NHSL3: variants seen among roughly 807,000 people sequenced by gnomAD.
NHSL3 encodes the protein NHS-like protein 3.
the NHSL3 span, among the ~76,000 whole-genome samples, chr1:32,760,588 GTTTTTTTT>G: frequency 7.2e-6 from 1 of 138,718 alleles, no homozygotes; most frequent in Non-Finnish European, 1.6e-5. Context: ...GTGTGTGTGT[GTTTTTTTT>G]TTTTTTTTGT....
the NHSL3 span, chr1:32,771,401 C>T: frequency 6.3e-7 from 1 of 1,584,806 alleles, no homozygotes; most frequent in Non-Finnish European, 8.6e-7. Flanking sequence ...CATCCACCCC[C>T]ACCACCCACT....
the NHSL3 span, chr1:32,770,012 T>A: frequency 6.2e-7 from 1 of 1,600,566 alleles, no homozygotes; most frequent in Non-Finnish European, 8.5e-7. The surrounding 1 kb of genome is among the most constrained non-coding windows in gnomAD (Gnocchi z 8.3). Flanking sequence ...CTGCAGGCGC[T>A]GGAGGCGGAG....
chr1:32,770,497 G>A, the NHSL3 span: 5 of 1,568,616 alleles, frequency 3.2e-6, no homozygotes, highest in Non-Finnish European at 4.3e-6. The surrounding 1 kb of genome is among the most constrained non-coding windows in gnomAD (Gnocchi z 8.3). Flanking sequence ...TGGCTCTGAG[G>A]GCCAGCCGGA....
chr1:32,764,992 TA>T, the NHSL3 span, among the ~76,000 whole-genome samples: 1 of 152,214 alleles, frequency 6.6e-6, no homozygotes, highest in African/African-American at 2.4e-5. Flanking sequence ...AATTCCAGGC[TA>T]GGGGAGAAGG....
chr1:32,749,837 C>T, the NHSL3 span, among the ~76,000 whole-genome samples: 1 of 152,062 alleles, frequency 6.6e-6, no homozygotes, highest in African/African-American at 2.4e-5. Flanking sequence ...CTGTACCCTC[C>T]CTGCAGTCCC....
chr1:32,756,438 A>G, the NHSL3 span, among the ~76,000 whole-genome samples: 1 of 126,402 alleles, frequency 7.9e-6, no homozygotes, highest in African/African-American at 2.9e-5. Context: ...TGAGCCCAGG[A>G]GTTTGAGAGT....
the NHSL3 span, chr1:32,772,054 G>A: frequency 1.2e-6 from 2 of 1,609,588 alleles, no homozygotes; most frequent in Non-Finnish European, 8.5e-7. Flanking sequence ...GCCTGAGGCA[G>A]AGCCACGGCC....
chr1:32,749,788 G>C, the NHSL3 span, among the ~76,000 whole-genome samples: 3 of 151,960 alleles, frequency 2.0e-5, no homozygotes, highest in African/African-American at 7.3e-5. Context: ...ATTCCCCTTG[G>C]GCCTGAAAGG....
chr1:32,771,630 T>A, the NHSL3 span: 1 of 1,613,068 alleles, frequency 6.2e-7, no homozygotes, highest in Non-Finnish European at 8.5e-7. Flanking sequence ...CCCCGGCTGC[T>A]TCGTCCTCCT....
chr1:32,762,836 C>T, the NHSL3 span, among the ~76,000 whole-genome samples: 1 of 152,168 alleles, frequency 6.6e-6, no homozygotes, highest in African/African-American at 2.4e-5. Context: ...GATCCACCCA[C>T]CTTGGCCTCC....
chr1:32,767,007 C>T, the NHSL3 span, among the ~76,000 whole-genome samples: 1 of 152,116 alleles, frequency 6.6e-6, no homozygotes, highest in Non-Finnish European at 1.5e-5. Context: ...CTTTCTTCTC[C>T]CCTCCCCTGC....
At chr1:32,770,161 T>G in the NHSL3 span, 2 of 1,595,526 alleles carry the variant, frequency 1.3e-6, no homozygotes, top group East Asian at 4.5e-5. The surrounding 1 kb of genome is among the most constrained non-coding windows in gnomAD (Gnocchi z 8.3). Flanking sequence ...AGTGCCTGGA[T>G]TGACAGGAGG....
chr1:32,748,257 C>T, the NHSL3 span, among the ~76,000 whole-genome samples: 8 of 151,916 alleles, frequency 5.3e-5, no homozygotes, highest in Admixed American at 2.6e-4. Context: ...CCAGCCTGGG[C>T]GACGGGAGTT....
the NHSL3 span, among the ~76,000 whole-genome samples, chr1:32,745,926 C>T: frequency 6.6e-6 from 1 of 151,836 alleles, no homozygotes; most frequent in East Asian, 1.9e-4. Context: ...AGGACTCAGA[C>T]ATAAGAAAAA....
At chr1:32,744,523 G>C in the NHSL3 span, among the ~76,000 whole-genome samples, 1 of 152,150 alleles carries the variant, frequency 6.6e-6, no homozygotes, top group Non-Finnish European at 1.5e-5. Context: ...ACTCTCCCAA[G>C]GACATAGAGC....
chr1:32,771,534 T>G, the NHSL3 span: 1 of 1,598,074 alleles, frequency 6.3e-7, no homozygotes, highest in Non-Finnish European at 8.5e-7. Flanking sequence ...TGTCCATGGC[T>G]GACTTCCCCC....
chr1:32,749,488 C>T, the NHSL3 span, among the ~76,000 whole-genome samples: 2 of 152,066 alleles, frequency 1.3e-5, no homozygotes, highest in Non-Finnish European at 2.9e-5. Flanking sequence ...ATAGGGAGCC[C>T]TCATGGTACA....
the NHSL3 span, among the ~76,000 whole-genome samples, chr1:32,744,033 C>T: frequency 6.6e-6 from 1 of 152,200 alleles, no homozygotes; most frequent in African/African-American, 2.4e-5. Flanking sequence ...AATCTGATCC[C>T]ACTAATCTCC....
At chr1:32,766,057 T>C in the NHSL3 span, among the ~76,000 whole-genome samples, 2 of 152,086 alleles carry the variant, frequency 1.3e-5, no homozygotes, top group Non-Finnish European at 2.9e-5. Context: ...GTCTCTGACC[T>C]TGAAGCCTGC....
Sources: allele counts gnomAD v4.1 joint callset (sites outside exome capture counted in the v4.1 genomes callset), GRCh38; gene constraint gnomAD v4.1.1; non-coding constraint Gnocchi (gnomAD v3.1); transcripts MANE v1.5; gene names NCBI Gene and HGNC (gene_info 2026-07-23, HGNC 2026-07-21).